Variants in LIMA1 observed in about 807,000 individuals in gnomAD.
LIMA1 encodes LIM domain and actin binding 1, also known as LIM domain and actin-binding protein 1.
Under a neutral mutation model 62.6 loss-of-function variants are expected in LIMA1, and 52 were observed. That is an observed-to-expected ratio of 0.83 (90% CI 0.67 to 1.05). The LOEUF (loss-of-function observed/expected upper bound fraction) is 1.05. LIMA1 is among the 50% of genes least tolerant of loss of function. The pLI, the probability that LIMA1 is intolerant of heterozygous loss-of-function variation, is 0.00. For missense variants in LIMA1, 780 were observed against 902.2 expected (o/e 0.86, Z 1.74); for synonymous variants, 302 against 317.8 (o/e 0.95, Z 0.53).
intron 2 of LIMA1, among the ~76,000 whole-genome samples, chr12:50,231,919 C>T (rs549493113): frequency 1.3e-5 from 2 of 152,140 alleles, no homozygotes. Context: ...AGGCACCCAC[C>T]ACCATGCCCA....
intron 3 of LIMA1, among the ~76,000 whole-genome samples, chr12:50,227,234 TTTC>T (rs1342796985): frequency 6.2e-5 from 7 of 113,494 alleles, no homozygotes; most frequent in African/African-American, 1.7e-4. Flanking sequence ...TCTTTTTTCT[TTTC>T]TTTTTTTTTT....
intron 1 of LIMA1, among the ~76,000 whole-genome samples, chr12:50,280,410 G>A (rs1942326994): frequency 1.3e-5 from 2 of 151,864 alleles, no homozygotes; most frequent in South Asian, 4.2e-4. Flanking sequence ...CTCCCGCCTC[G>A]GCCTCCCAAA....
chr12:50,178,956 A>G (rs1940419647), intron 10 of LIMA1, among the ~76,000 whole-genome samples: 1 of 105,310 alleles, frequency 9.5e-6, no homozygotes, highest in Non-Finnish European at 1.9e-5. Context: ...AAATACATAT[A>G]TATATATATA....
chr12:50,267,839 A>C (rs922042002), intron 1 of LIMA1, among the ~76,000 whole-genome samples: 2 of 151,916 alleles, frequency 1.3e-5, no homozygotes, highest in Non-Finnish European at 2.9e-5. Context: ...TCTTTTGGTG[A>C]AGAATGAGGT....
chr12:50,266,362 C>T (rs1411808275), intron 1 of LIMA1, among the ~76,000 whole-genome samples: 1 of 152,188 alleles, frequency 6.6e-6, no homozygotes, highest in Non-Finnish European at 1.5e-5. Flanking sequence ...TGCATAAATA[C>T]AAACATGTTT....
intron 4 of LIMA1, among the ~76,000 whole-genome samples, chr12:50,208,898 G>A (rs1486635291): frequency 6.6e-6 from 1 of 151,820 alleles, no homozygotes; most frequent in Non-Finnish European, 1.5e-5. Flanking sequence ...CCTGGGTGAT[G>A]AGTAAGACCC....
intron 3 of LIMA1, among the ~76,000 whole-genome samples, chr12:50,227,630 T>TTC (rs1941551167): frequency 6.6e-6 from 1 of 152,122 alleles, no homozygotes; most frequent in Admixed American, 6.5e-5. Flanking sequence ...AGTAGGCCTG[T>TTC]TCTCTTATGC....
chr12:50,258,303 TG>T (rs1280654341), intron 1 of LIMA1, among the ~76,000 whole-genome samples: 9 of 61,616 alleles, frequency 1.5e-4, no homozygotes, highest in Non-Finnish European at 3.0e-4. Flanking sequence ...CTGCTTTTTG[TG>T]TGTGTGTGTG....
intron 9 of LIMA1, among the ~76,000 whole-genome samples, chr12:50,183,489 G>A (rs1940551754): frequency 1.3e-5 from 2 of 152,032 alleles, no homozygotes; most frequent in South Asian, 4.1e-4. Flanking sequence ...AATGAACCAG[G>A]TTATGGGCAA....
intron 7 of LIMA1, among the ~76,000 whole-genome samples, chr12:50,196,499 G>A (rs1048507178): frequency 1.1e-4 from 16 of 152,076 alleles, no homozygotes; most frequent in African/African-American, 3.9e-4. Context: ...CTTACGTATA[G>A]GTGTATATAT....
chr12:50,224,896 A>AT (rs773474227), intron 3 of LIMA1, among the ~76,000 whole-genome samples: 2,751 of 104,678 alleles, frequency 0.026, 75 homozygotes, highest in African/African-American at 0.055. Context: ...CATGCCTGGC[A>AT]TTTTTTTTTT....
chr12:50,217,825 ATC>A, intron 4 of LIMA1: 2 of 270,720 alleles, frequency 7.4e-6, no homozygotes, highest in Non-Finnish European at 1.5e-5. Flanking sequence ...GTACACAGGC[ATC>A]TAGGACGCTC....
At chr12:50,189,248 C>T (rs192977358) in intron 9 of LIMA1, 1 of 152,318 alleles carries the variant, frequency 6.6e-6, no homozygotes, top group East Asian at 1.9e-4. Flanking sequence ...ACCTTGCTCA[C>T]CTTTTAAATC....
intron 6 of LIMA1, among the ~76,000 whole-genome samples, chr12:50,203,415 CTTT>C (rs896031415): frequency 1.4e-5 from 2 of 143,766 alleles, no homozygotes; most frequent in Admixed American, 1.4e-4. Flanking sequence ...GAATACCAAT[CTTT>C]TTTTTTTTTC....
intron 1 of LIMA1, among the ~76,000 whole-genome samples, chr12:50,259,471 C>G (rs1171179711): frequency 6.6e-6 from 1 of 152,080 alleles, no homozygotes; most frequent in Admixed American, 6.6e-5. Flanking sequence ...TTATCTGAAA[C>G]ACAATTAGTA....
At chr12:50,195,669 GC>G (rs1443291630) in intron 8 of LIMA1, 160 bp downstream of exon 8, 1 of 552,360 alleles carries the variant, frequency 1.8e-6, no homozygotes, top group African/African-American at 1.9e-5. Flanking sequence ...TTCTCCTTAA[GC>G]CATGAAGTGT....
chr12:50,202,372 A>C (rs1941068571), intron 6 of LIMA1, among the ~76,000 whole-genome samples: 1 of 152,154 alleles, frequency 6.6e-6, no homozygotes, highest in African/African-American at 2.4e-5. Context: ...ACTGTAATGC[A>C]GAAATGGTTA....
chr12:50,272,097 T>C (rs760452923), intron 1 of LIMA1, among the ~76,000 whole-genome samples: 35 of 152,324 alleles, frequency 2.3e-4, no homozygotes, highest in Non-Finnish European at 4.7e-4. Flanking sequence ...CTTCTTAGTT[T>C]CACTTCTGGA....
At chr12:50,202,734 T>G (rs977095745) in intron 6 of LIMA1, among the ~76,000 whole-genome samples, 1 of 152,198 alleles carries the variant, frequency 6.6e-6, no homozygotes, top group African/African-American at 2.4e-5. Context: ...TTAGAGAATG[T>G]ATACTTAATA....
Sources: allele counts gnomAD v4.1 joint callset (sites outside exome capture counted in the v4.1 genomes callset), GRCh38; gene constraint gnomAD v4.1.1; transcripts MANE v1.5; gene names NCBI Gene and HGNC (gene_info 2026-07-23, HGNC 2026-07-21).